The following TRPC5 variants were observed in gnomAD, a reference collection of about 807,000 sequenced individuals.
The protein encoded by TRPC5 is short transient receptor potential channel 5.
In TRPC5, 9 loss-of-function variants were observed where a neutral mutation model predicts 56.5. The ratio of observed to expected loss-of-function variants is 0.16; its 90% CI spans 0.10 to 0.28. TRPC5 has a LOEUF of 0.28. TRPC5 is among the 10% of genes least tolerant of loss of function. TRPC5 has a pLI of 1.00. For missense variants in TRPC5, 469 were observed against 748.9 expected, an observed-to-expected ratio of 0.63 and a Z score of 4.36; for synonymous variants, 282 against 278.5, an observed-to-expected ratio of 1.01 and a Z score of -0.13.
chrX:112,069,431 G>C (rs1299816033), intron 1 of TRPC5, among the ~76,000 whole-genome samples: 1 of 111,722 alleles, frequency 9.0e-6, no homozygotes, highest in Non-Finnish European at 1.9e-5. Flanking sequence ...ATACTTGTCT[G>C]AGTCCCAGGA....
chrX:112,005,385 C>G (rs188974208), intron 1 of TRPC5, among the ~76,000 whole-genome samples: 1 of 105,985 alleles, frequency 9.4e-6, no homozygotes, highest in African/African-American at 3.5e-5. Context: ...ACGAAATAAT[C>G]TGTATAACAA....
chrX:111,790,058 G>GGT (rs1198979823), intron 7 of TRPC5, among the ~76,000 whole-genome samples: 4 of 111,500 alleles, frequency 3.6e-5, no homozygotes, highest in African/African-American at 1.3e-4. Context: ...CCCACTACTG[G>GGT]GTATATACCC....
chrX:111,847,061 G>GA (rs896266560), intron 6 of TRPC5, 53 bp downstream of exon 6: 89 of 1,135,649 alleles, frequency 7.8e-5, no homozygotes, highest in Admixed American at 4.1e-4. Context: ...GGAGAAGGCG[G>GA]AAAAAATGGC....
At chrX:111,919,939 G>C (rs1272909944) in intron 2 of TRPC5, among the ~76,000 whole-genome samples, 1 of 112,182 alleles carries the variant, frequency 8.9e-6, no homozygotes, top group Non-Finnish European at 1.9e-5. Context: ...GAACATACTA[G>C]GTTCTCAACA....
At chrX:111,884,364 A>G (rs1924370480) in intron 3 of TRPC5, among the ~76,000 whole-genome samples, 1 of 112,584 alleles carries the variant, frequency 8.9e-6, no homozygotes, top group African/African-American at 3.2e-5. Flanking sequence ...GCCAGGCCCT[A>G]GCTTATTAAG....
At chrX:111,921,720 C>T (rs1926132967) in intron 2 of TRPC5, among the ~76,000 whole-genome samples, 2 of 111,815 alleles carry the variant, frequency 1.8e-5, no homozygotes, top group South Asian at 7.6e-4. Context: ...AAACCTGGTA[C>T]ATCAACCAAC....
rs73639655 is a variant in TRPC5, at chrX:111,802,752, G to A, written c.1897-20614C>T. 1.0e-2 allele frequency among the ~76,000 whole-genome samples: 1,116 copies of A among 111,613 alleles called. 15 individuals are homozygous for A. Among genetic ancestry groups the A allele is most frequent in the African/African-American group, 0.034 (1,060 of 30,769 alleles). The stretch of plus-strand genomic sequence containing the variant: ...AGGGAGAATTCTGTAAAGGCAAAGC[G>A]AAAAAGACAACATTAGAAGAACTAT... On this transcript the variant is annotated intron_variant, in intron 7 of 10. Coordinates refer to ENST00000262839, the MANE Select transcript of TRPC5 (RefSeq NM_012471.3).
intron 2 of TRPC5, among the ~76,000 whole-genome samples, chrX:111,927,201 A>G (rs748368960): frequency 8.0e-5 from 9 of 112,312 alleles, no homozygotes; most frequent in Non-Finnish European, 1.7e-4. Context: ...TACCCCCTTG[A>G]TAACAATAGC....
chrX:112,002,817 A>T (rs1286600515), intron 1 of TRPC5, among the ~76,000 whole-genome samples: 1 of 112,478 alleles, frequency 8.9e-6, no homozygotes, highest in Non-Finnish European at 1.9e-5. Flanking sequence ...GGGAGCAAGC[A>T]ATCAATCAGA....
At chrX:112,000,046 C>T (rs1451337463) in intron 1 of TRPC5, among the ~76,000 whole-genome samples, 1 of 112,000 alleles carries the variant, frequency 8.9e-6, no homozygotes, top group Non-Finnish European at 1.9e-5. Context: ...TGAGATAATG[C>T]ACAGGAAGCA....
intron 3 of TRPC5, among the ~76,000 whole-genome samples, chrX:111,863,456 G>A (rs997909966): frequency 2.7e-5 from 3 of 111,959 alleles, no homozygotes; most frequent in Non-Finnish European, 5.6e-5. Context: ...GATTGATTTT[G>A]TATGTTATCT....
chrX:112,077,172 C>T (rs1315593425), intron 1 of TRPC5, among the ~76,000 whole-genome samples: 1 of 111,176 alleles, frequency 9.0e-6, no homozygotes, highest in African/African-American at 3.3e-5. Flanking sequence ...GCTAGTAATT[C>T]GTGAGCAGGG....
At chrX:111,837,664 T>A (rs1397029329) in intron 6 of TRPC5, among the ~76,000 whole-genome samples, 1 of 111,417 alleles carries the variant, frequency 9.0e-6, no homozygotes, top group Non-Finnish European at 1.9e-5. Context: ...TACCTTCACC[T>A]CTACCCCTAC....
intron 6 of TRPC5, among the ~76,000 whole-genome samples, chrX:111,839,816 A>C (rs940711997): frequency 9.0e-6 from 1 of 111,176 alleles, no homozygotes; most frequent in Non-Finnish European, 1.9e-5. Context: ...TCCTGGGCTC[A>C]AGTGACCCTC....
intron 5 of TRPC5, among the ~76,000 whole-genome samples, chrX:111,848,820 C>T (rs1923003753): frequency 9.0e-6 from 1 of 111,714 alleles, no homozygotes; most frequent in South Asian, 3.8e-4. Context: ...ATTTTTCCTC[C>T]CCCAACAAAC....
At chrX:111,882,848 G>A (rs1924291094) in intron 3 of TRPC5, among the ~76,000 whole-genome samples, 1 of 112,031 alleles carries the variant, frequency 8.9e-6, no homozygotes, top group Non-Finnish European at 1.9e-5. Flanking sequence ...CACTTTGGGA[G>A]GCCAAGGCAG....
rs138280407 is a variant in TRPC5 at position 112,042,649 on chromosome X, C to A, written c.-22+39230G>T. On this transcript the variant is annotated intron_variant, in intron 1 of 10. Coordinates refer to ENST00000262839, the MANE Select transcript of TRPC5 (RefSeq NM_012471.3). ...ATTAGCCCTCTTCGGTTCCCAACAC[C>A]TGGCTTTTCTTCTGTCCAGTACTCC... is the stretch of plus-strand genomic sequence containing the variant. Among the ~76,000 whole-genome samples, 390 of 111,454 alleles carry A rather than the reference C, an allele frequency of 3.5e-3. 5 individuals carry two copies. Among genetic ancestry groups the A allele is most frequent in the African/African-American group, 0.011 (350 of 30,688 alleles).
At chrX:111,877,162 G>A (rs2087648153) in intron 3 of TRPC5, among the ~76,000 whole-genome samples, 1 of 111,684 alleles carries the variant, frequency 9.0e-6, no homozygotes, top group Non-Finnish European at 1.9e-5. Flanking sequence ...GTATAGGTTA[G>A]AGGTAATAAA....
intron 7 of TRPC5, among the ~76,000 whole-genome samples, chrX:111,800,150 C>A (rs1017871008): frequency 2.7e-5 from 3 of 111,019 alleles, no homozygotes; most frequent in Non-Finnish European, 5.7e-5. Context: ...TTCACCTCTT[C>A]CACCTCTTCT....
Sources: gnomAD v4.1 joint callset for allele counts (sites outside exome capture counted in the v4.1 genomes callset) on GRCh38, gnomAD v4.1.1 for gene constraint, MANE v1.5 for transcripts, NCBI Gene and HGNC (gene_info 2026-07-23, HGNC 2026-07-21) for gene names.